Variants in GALNT13 observed in about 807,000 individuals in gnomAD.
GALNT13 encodes the protein polypeptide N-acetylgalactosaminyltransferase 13.
A neutral mutation model predicts 64.2 loss-of-function variants in GALNT13; 28 were observed. The ratio of observed to expected loss-of-function variants is 0.44; its 90% confidence interval spans 0.32 to 0.60. The LOEUF (loss-of-function observed/expected upper bound fraction) is 0.60. Among genes scored for constraint, GALNT13 ranks in the 20% least tolerant of loss-of-function variants. The probability of loss-of-function intolerance (pLI) is 0.05; values close to 1 mark genes in which losing one functional copy is unlikely to be tolerated. For synonymous variants in GALNT13, 214 were observed against 224.6 expected (o/e 0.95, Z 0.42); for missense variants, 577 against 669.8 (o/e 0.86, Z 1.53).
intron 3 of GALNT13, among the ~76,000 whole-genome samples, chr2:154,019,650 A>G (rs2105272316): frequency 1.5e-5 from 2 of 130,320 alleles, no homozygotes; most frequent in African/African-American, 5.3e-5. Context: ...ACACACACAC[A>G]CACAAAAGCA....
intron 3 of GALNT13, among the ~76,000 whole-genome samples, chr2:154,097,193 T>G (rs146253763): frequency 7.2e-5 from 11 of 152,146 alleles, no homozygotes; most frequent in African/African-American, 1.2e-4. Context: ...CTTACTATGT[T>G]CAAAGCATTA....
intron 4 of GALNT13, among the ~76,000 whole-genome samples, chr2:154,161,032 T>G (rs1684696657): frequency 6.6e-6 from 1 of 152,200 alleles, no homozygotes; most frequent in Admixed American, 6.5e-5. Flanking sequence ...CACATTTATC[T>G]GTTACCGCAC....
the GALNT13 span, among the ~76,000 whole-genome samples, chr2:153,282,371 T>C: frequency 6.6e-6 from 1 of 152,168 alleles, no homozygotes; most frequent in Non-Finnish European, 1.5e-5. Flanking sequence ...TATCTGTCAT[T>C]TCTGAGTTTC....
the GALNT13 span, among the ~76,000 whole-genome samples, chr2:153,479,254 G>C: frequency 6.6e-6 from 1 of 152,188 alleles, no homozygotes; most frequent in African/African-American, 2.4e-5. Context: ...ACTCCGACTC[G>C]CCTGCGTTGG....
chr2:154,018,228 T>C (rs1697140159), intron 3 of GALNT13, among the ~76,000 whole-genome samples: 1 of 152,210 alleles, frequency 6.6e-6, no homozygotes, highest in South Asian at 2.1e-4. Flanking sequence ...ATTTGTTTTG[T>C]TACTATTCCA....
At chr2:153,919,170 A>G (rs941686546) in intron 2 of GALNT13, among the ~76,000 whole-genome samples, 2 of 152,044 alleles carry the variant, frequency 1.3e-5, no homozygotes, top group African/African-American at 4.8e-5. Flanking sequence ...CTTAAAATAC[A>G]TATTCTACAA....
chr2:153,336,456 A>G, the GALNT13 span, among the ~76,000 whole-genome samples: 2 of 152,162 alleles, frequency 1.3e-5, no homozygotes, highest in Non-Finnish European at 2.9e-5. Flanking sequence ...CTGGAGTTGA[A>G]TGAGATCATT....
At chr2:153,594,373 T>A in the GALNT13 span, among the ~76,000 whole-genome samples, 2 of 152,138 alleles carry the variant, frequency 1.3e-5, no homozygotes, top group African/African-American at 4.8e-5. Context: ...CTTGGGTGAC[T>A]GTACTTGGCT....
the GALNT13 span, among the ~76,000 whole-genome samples, chr2:153,614,467 T>C: frequency 2.0e-5 from 3 of 151,982 alleles, no homozygotes; most frequent in Non-Finnish European, 4.4e-5. Flanking sequence ...TTCACAGCAC[T>C]GGGGAGGTGG....
the GALNT13 span, among the ~76,000 whole-genome samples, chr2:153,496,760 T>G: frequency 1.3e-5 from 2 of 151,590 alleles, no homozygotes; most frequent in Admixed American, 1.3e-4. Context: ...TCAAGGTGGG[T>G]GGATCATCTG....
At chr2:153,993,681 G>T (rs1308972266) in intron 3 of GALNT13, among the ~76,000 whole-genome samples, 1 of 110,066 alleles carries the variant, frequency 9.1e-6, no homozygotes, top group Non-Finnish European at 1.8e-5. Flanking sequence ...GGGCGACAGA[G>T]CAAGACTCCA....
At chr2:153,711,345 T>TAAGTAAA in the GALNT13 span, among the ~76,000 whole-genome samples, 17 of 152,258 alleles carry the variant, frequency 1.1e-4, no homozygotes, top group Non-Finnish European at 2.4e-4. Flanking sequence ...TAACTTGAAA[T>TAAGTAAA]AGCTCAAGCT....
chr2:154,148,246 G>A (rs1683745031), intron 4 of GALNT13, among the ~76,000 whole-genome samples: 1 of 151,710 alleles, frequency 6.6e-6, no homozygotes, highest in African/African-American at 2.4e-5. Context: ...CCCTACAAAG[G>A]ACATGAACTC....
chr2:154,295,725 A>G (rs936428393), intron 8 of GALNT13, among the ~76,000 whole-genome samples: 5 of 152,080 alleles, frequency 3.3e-5, no homozygotes, highest in Non-Finnish European at 5.9e-5. Flanking sequence ...GTAGGCACAC[A>G]TAGCTCACAT....
chr2:153,308,057 A>G, the GALNT13 span, among the ~76,000 whole-genome samples: 31,492 of 152,016 alleles, frequency 0.21, 4,058 homozygotes, highest in Non-Finnish European at 0.3. Context: ...GAAAAACAAG[A>G]CAAAAATATT....
chr2:154,212,877 C>T (rs1457046352), intron 4 of GALNT13, among the ~76,000 whole-genome samples: 1 of 151,420 alleles, frequency 6.6e-6, no homozygotes, highest in African/African-American at 2.4e-5. Flanking sequence ...CTTTGATACA[C>T]ACATTTTATT....
intron 3 of GALNT13, among the ~76,000 whole-genome samples, chr2:154,112,542 A>G (rs1387907660): frequency 1.3e-5 from 2 of 152,308 alleles, no homozygotes; most frequent in Non-Finnish European, 1.5e-5. Flanking sequence ...CAATTTTCCT[A>G]TCATGCTTCT....
At chr2:153,839,571 AT>A in the GALNT13 span, among the ~76,000 whole-genome samples, 12 of 151,976 alleles carry the variant, frequency 7.9e-5, no homozygotes, top group Admixed American at 6.6e-4. Flanking sequence ...AAATGTTAAT[AT>A]TATATATTCC....
At chr2:153,578,068 T>C in the GALNT13 span, among the ~76,000 whole-genome samples, 1 of 152,110 alleles carries the variant, frequency 6.6e-6, no homozygotes. Flanking sequence ...GAATCTTTTT[T>C]AATGTCTTAA....
Sources: gnomAD v4.1 joint callset for allele counts (sites outside exome capture counted in the v4.1 genomes callset) on GRCh38, gnomAD v4.1.1 for gene constraint, MANE v1.5 for transcripts, NCBI Gene and HGNC (gene_info 2026-07-23, HGNC 2026-07-21) for gene names.